Variants in RIC1 observed in about 807,000 individuals in gnomAD.
RIC1 encodes the protein guanine nucleotide exchange factor subunit RIC1.
In RIC1, 88 loss-of-function variants were observed where a neutral mutation model predicts 169.0. That is an observed-to-expected ratio of 0.52 (90% CI 0.44 to 0.62). The LOEUF (loss-of-function observed/expected upper bound fraction) is 0.62, where lower values mean the gene tolerates loss of function less well. RIC1 is among the 20% of genes least tolerant of loss of function. The probability of loss-of-function intolerance (pLI) is 0.00; values close to 1 mark genes in which losing one functional copy is unlikely to be tolerated. For synonymous variants in RIC1, 790 were observed against 601.5 expected (o/e 1.31, Z -4.59); for missense variants, 1,877 against 1,725.5 (o/e 1.09, Z -1.56).
chr9:5,673,905 A>C (rs994134789), intron 2 of RIC1, among the ~76,000 whole-genome samples: 1 of 152,148 alleles, frequency 6.6e-6, no homozygotes, highest in African/African-American at 2.4e-5. Flanking sequence ...TGATAAAATA[A>C]TGTCATAAAA....
chr9:5,635,824 C>T (rs1368802022), intron 1 of RIC1, among the ~76,000 whole-genome samples: 1 of 152,186 alleles, frequency 6.6e-6, no homozygotes, highest in Non-Finnish European at 1.5e-5. Flanking sequence ...CTCTTGCCTG[C>T]CAGCATGTAA....
chr9:5,666,172 G>T (rs902905099), intron 2 of RIC1, among the ~76,000 whole-genome samples: 1 of 152,250 alleles, frequency 6.6e-6, no homozygotes, highest in Admixed American at 6.5e-5. Flanking sequence ...GGAGTGGATT[G>T]AGGTCTCACG....
rs1432637189 is a variant in RIC1 at position 5,763,020 on chromosome 9, T to G, written c.2113-120T>G. The G allele has an allele frequency of 8.1e-7, 1 of 1,228,946 alleles. No homozygotes were observed. Among genetic ancestry groups the G allele is most frequent in the African/African-American group, 1.5e-5 (1 of 65,370 alleles). The allele number at this position is 1,228,946 out of a possible 1,614,324, so 76.1% of individuals were successfully genotyped here. On this transcript the variant is annotated intron_variant, in intron 18 of 25. Transcript: ENST00000414202. This position sits in a 1 kb window ranked among gnomAD's most constrained non-coding sequence, Gnocchi z 5.2. ...AACTCTAATTCTAATTAGATCCCTT[T>G]GCTTTTCCCAAAAAAATATTATACT...
intron 19 of RIC1, 171 bp from the exon 20 acceptor site, chr9:5,765,243 A>G (rs1381025109): frequency 1.6e-6 from 1 of 630,758 alleles, no homozygotes; most frequent in Non-Finnish European, 2.7e-6. Flanking sequence ...ATACACCAGA[A>G]GAGTACTTGC....
chr9:5,636,120 A>G (rs144513969), intron 1 of RIC1, among the ~76,000 whole-genome samples: 11 of 152,342 alleles, frequency 7.2e-5, no homozygotes, highest in African/African-American at 2.4e-4. Context: ...TAGAGATTGC[A>G]TTGAATCCAT....
intron 1 of RIC1, among the ~76,000 whole-genome samples, chr9:5,642,571 C>G (rs1189969316): frequency 6.9e-6 from 1 of 144,764 alleles, no homozygotes; most frequent in African/African-American, 2.8e-5. Context: ...GTTTGATATT[C>G]TGTTCTGTTG....
chr9:5,641,096 CTT>C (rs34921771), intron 1 of RIC1, among the ~76,000 whole-genome samples: 25 of 138,418 alleles, frequency 1.8e-4, no homozygotes, highest in Admixed American at 2.9e-4. Flanking sequence ...AGGTAGTCTT[CTT>C]TTTTTTTTTT....
At chr9:5,711,534 C>A (rs573013620) in intron 3 of RIC1, among the ~76,000 whole-genome samples, 1 of 151,350 alleles carries the variant, frequency 6.6e-6, no homozygotes, top group Non-Finnish European at 1.5e-5. Context: ...TCAGGACATA[C>A]GTCTTTTTTG....
At chr9:5,636,872 C>G (rs998695792) in intron 1 of RIC1, among the ~76,000 whole-genome samples, 2 of 152,080 alleles carry the variant, frequency 1.3e-5, no homozygotes, top group African/African-American at 2.4e-5. Context: ...TTATAAGTTT[C>G]TGGAGCACAG....
At chr9:5,701,539 T>C (rs1822219919) in intron 3 of RIC1, among the ~76,000 whole-genome samples, 1 of 151,712 alleles carries the variant, frequency 6.6e-6, no homozygotes, top group Non-Finnish European at 1.5e-5. Flanking sequence ...CATTGCAGTT[T>C]GCCGAGATTG....
rs1296939241 is a variant in RIC1, at chr9:5,703,198, A to G, written c.333-10698A>G. The stretch of plus-strand genomic sequence containing the variant: ...AGCCTGTAAAATCAAAAACAAGTTA[A>G]TAACTTCCAAGATACAATGGGAATA... On this transcript the variant is annotated intron_variant, in intron 3 of 25. Transcript: ENST00000414202. Among the ~76,000 whole-genome samples, 8 of 152,174 alleles carry G rather than the reference A, an allele frequency of 5.3e-5. No homozygotes were observed. In the East Asian group the frequency reaches 1.3e-3, roughly 26 times the overall value.
At chr9:5,741,206 A>C (rs1334287844) in intron 8 of RIC1, among the ~76,000 whole-genome samples, 1 of 152,084 alleles carries the variant, frequency 6.6e-6, no homozygotes, top group South Asian at 2.1e-4. Flanking sequence ...TCCTCTGTCA[A>C]GTTGTCTTCT....
chr9:5,650,796 C>T (rs1046349819), intron 1 of RIC1, among the ~76,000 whole-genome samples: 2 of 152,120 alleles, frequency 1.3e-5, no homozygotes, highest in African/African-American at 4.8e-5. Flanking sequence ...CAGTGCATTG[C>T]ACTTGCCTGT....
At chr9:5,762,478 G>T in intron 17 of RIC1, 63 bp from the exon 18 acceptor site, 2 of 1,589,038 alleles carry the variant, frequency 1.3e-6, no homozygotes, top group Non-Finnish European at 1.7e-6. Flanking sequence ...ATGGATTGGG[G>T]GGAGATGCGG....
rs1371366103 is a variant in RIC1, at chr9:5,642,164, A to G, written c.144+12711A>G. On this transcript the variant is annotated intron_variant, in intron 1 of 25. Coordinates refer to ENST00000414202, the MANE Select transcript of RIC1 (RefSeq NM_020829.4). ...AGAGGTACTGCCTTGGTGGTCTTGGATAAAATCTGGAAGAATTATTTGGAT... is the reference window on the plus strand; with the variant it reads ...AGAGGTACTGCCTTGGTGGTCTTGGGTAAAATCTGGAAGAATTATTTGGAT... Among the ~76,000 whole-genome samples, 4 of 145,364 alleles carry G rather than the reference A, an allele frequency of 2.8e-5. 2 individuals are homozygous for G. The highest frequency in any genetic ancestry group is 1.3e-4 in the Admixed American group (2 of 14,954).
At chr9:5,716,214 T>G (rs1236041222) in intron 4 of RIC1, among the ~76,000 whole-genome samples, 1 of 152,140 alleles carries the variant, frequency 6.6e-6, no homozygotes, top group Non-Finnish European at 1.5e-5. Context: ...CTCATAAAAT[T>G]AATGAAGTCA....
intron 2 of RIC1, among the ~76,000 whole-genome samples, chr9:5,667,617 C>T (rs1819853865): frequency 6.6e-6 from 1 of 151,736 alleles, no homozygotes; most frequent in African/African-American, 2.4e-5. Context: ...TAATCCTCTC[C>T]CTCAGCCTCC....
chr9:5,672,533 G>A (rs1278467730), intron 2 of RIC1, among the ~76,000 whole-genome samples: 5 of 152,044 alleles, frequency 3.3e-5, no homozygotes, highest in Non-Finnish European at 5.9e-5. Flanking sequence ...CATGATGTAA[G>A]GCATATAGAA....
chr9:5,689,863 A>C lies in RIC1; in HGVS notation c.253-96A>C, dbSNP rs369023633. The C allele has an allele frequency of 1.0e-5, 8 of 803,670 alleles. No homozygotes were observed. The South Asian group carries it at 1.1e-4, about 11-fold the overall frequency. The allele number at this position is 803,670 out of a possible 1,614,324, so 49.8% of individuals were successfully genotyped here. On this transcript the variant is annotated intron_variant, in intron 2 of 25. Coordinates refer to ENST00000414202, the MANE Select transcript of RIC1 (RefSeq NM_020829.4). ...CTCCAAGGGAGGGTATTGGAGAATA[A>C]ATTTTTTTTCGAAGTAAGAATTTAT...
Sources: allele counts gnomAD v4.1 joint callset (sites outside exome capture counted in the v4.1 genomes callset), GRCh38; gene constraint gnomAD v4.1.1; non-coding constraint Gnocchi (gnomAD v3.1); transcripts MANE v1.5; gene names NCBI Gene and HGNC (gene_info 2026-07-23, HGNC 2026-07-21).